Variants in MSN observed in about 807,000 individuals in gnomAD.
MSN encodes epididymis luminal protein 70.
MSN carries 2 observed loss-of-function variants against 48.0 expected under a neutral mutation model. That is an observed-to-expected ratio of 0.04 (90% CI 0.02 to 0.13). The LOEUF is 0.13. Ranked by LOEUF, MSN falls within the 10% of genes least tolerant of loss-of-function variation. The pLI is 1.00. For synonymous variants in MSN, 146 were observed against 166.9 expected, an observed-to-expected ratio of 0.87 and a Z score of 0.97; for missense variants, 267 against 470.1, an observed-to-expected ratio of 0.57 and a Z score of 3.99.
At chrX:65,707,325 A>G (rs751988605) in intron 1 of MSN, among the ~76,000 whole-genome samples, 52 of 110,869 alleles carry the variant, frequency 4.7e-4, no homozygotes, top group Non-Finnish European at 3.4e-4. Context: ...ATTGCTCAGT[A>G]AATAACAGTG....
intron 1 of MSN, among the ~76,000 whole-genome samples, chrX:65,713,907 G>C (rs2071437314): frequency 8.9e-6 from 1 of 111,797 alleles, no homozygotes; most frequent in Non-Finnish European, 1.9e-5. Context: ...AGCCACCAAA[G>C]TAGCTGGGAT....
chrX:65,592,390 T>G (rs1288101391), intron 1 of MSN, among the ~76,000 whole-genome samples: 1 of 107,741 alleles, frequency 9.3e-6, no homozygotes, highest in African/African-American at 3.4e-5. Context: ...GAGATGTGAT[T>G]TCACCATGTT....
intron 1 of MSN, among the ~76,000 whole-genome samples, chrX:65,705,086 TTA>T (rs1244690974): frequency 3.6e-5 from 4 of 111,384 alleles, no homozygotes; most frequent in Non-Finnish European, 7.5e-5. Context: ...AGCCAGGTTT[TTA>T]GCCCCTCCTC....
chrX:65,719,924 T>C (rs148078884), intron 2 of MSN, among the ~76,000 whole-genome samples: 1,357 of 111,467 alleles, frequency 0.012, 15 homozygotes, highest in African/African-American at 0.041. Flanking sequence ...TGGTAGTTTT[T>C]TGTTAGTGTT....
At chrX:65,721,912 A>G (rs2071520663) in intron 2 of MSN, among the ~76,000 whole-genome samples, 1 of 110,743 alleles carries the variant, frequency 9.0e-6, no homozygotes, top group African/African-American at 3.3e-5. Context: ...GCGAGACCCC[A>G]TCTCTACAAA....
At position 65,739,830 on chromosome X, in the gene MSN, G is replaced by A. The variant is rs763920638; in HGVS notation, c.1671G>A (p.Lys557=). 24 of 1,210,983 alleles carry A rather than the reference G, an allele frequency of 2.0e-5. 1 individual carries two copies. In the South Asian group the frequency reaches 3.9e-4, roughly 20 times the overall value. The change falls in exon 13 of 13, where the codon AAG becomes AAA. Residue 557 remains lysine (K), a synonymous_variant. Coordinates refer to ENST00000360270, the MANE Select transcript of MSN (RefSeq NM_002444.3). ...TGCGACTGGGCCGAGACAAATACAA[G>A]ACCCTGCGCCAGATCCGGCAGGGCA... is the stretch of plus-strand genomic sequence containing the variant. ...ENMRLGRDKY[K]TLRQIRQGNT... is the part of the protein sequence containing the mutation.
chrX:65,626,546 GT>G (rs932718507), intron 1 of MSN, among the ~76,000 whole-genome samples: 1 of 109,533 alleles, frequency 9.1e-6, no homozygotes, highest in Non-Finnish European at 1.9e-5. Flanking sequence ...AAGTTTCTGG[GT>G]TTTTTTTTAA....
chrX:65,736,651 T>C lies in MSN; in HGVS notation c.960-144T>C, dbSNP rs2071679623. ...CGGGGTTTCACTGTGTTAGCCAGGA[T>C]GGTCTCGATCTCCTGACCTCGTGAT... is the stretch of plus-strand genomic sequence containing the variant. On this transcript the variant is annotated intron_variant, in intron 8 of 12. Transcript: ENST00000360270. The C allele has an allele frequency of 2.4e-5, 14 of 584,933 alleles. No homozygotes were observed. The South Asian group carries it at 4.3e-4, about 18-fold the overall frequency. 48.2% of individuals were successfully genotyped at this position (584,933 alleles called of 1,213,427 possible).
chrX:65,738,035 A>G (rs771495006), intron 10 of MSN, among the ~76,000 whole-genome samples: 1 of 112,391 alleles, frequency 8.9e-6, no homozygotes, highest in Admixed American at 9.4e-5. Context: ...TCTCATGAGG[A>G]AGCTGTCATG....
chrX:65,703,475 C>T (rs1039630770), intron 1 of MSN, among the ~76,000 whole-genome samples: 3 of 111,226 alleles, frequency 2.7e-5, no homozygotes, highest in South Asian at 3.8e-4. Flanking sequence ...GTGGGTTTCC[C>T]AGATACTAGA....
chrX:65,718,818 T>TAAAAAAAAAAAAAA (rs55726908), intron 2 of MSN, among the ~76,000 whole-genome samples: 1 of 75,191 alleles, frequency 1.3e-5, no homozygotes, highest in African/African-American at 6.7e-5. Flanking sequence ...ACTCTGTCTC[T>TAAAAAAAAAAAAAA]AAAAAAAAAA....
In MSN at chrX:65,729,707, G is replaced by A. The variant is rs745873198; in HGVS notation, c.462G>A (p.Pro154=). 16 of 1,207,568 alleles carry A rather than the reference G, an allele frequency of 1.3e-5. No individual in the cohort carries two copies. The highest frequency in any genetic ancestry group is 2.3e-4 in the Middle Eastern group (1 of 4,348). Reference sequence around the variant, plus strand: ...ACCTGGCCGGAGACAAGTTGCTCCCGCAGAGGTGAGGTGGTTCCCTGCCCT... The same window carrying A: ...ACCTGGCCGGAGACAAGTTGCTCCCACAGAGGTGAGGTGGTTCCCTGCCCT... ...SGYLAGDKLL[P]QRVLEQHKLN... Residue 154 remains proline (P), a synonymous_variant, in exon 4 of 13, where the codon CCG becomes CCA. Coordinates refer to ENST00000360270, the MANE Select transcript of MSN (RefSeq NM_002444.3).
chrX:65,652,366 A>G (rs1285786025), intron 1 of MSN, among the ~76,000 whole-genome samples: 1 of 111,781 alleles, frequency 8.9e-6, no homozygotes, highest in Non-Finnish European at 1.9e-5. Context: ...GGAGATGAGA[A>G]GATAATGCAA....
rs150032841 is a variant in MSN, at chrX:65,705,563, A to G, written c.13-11255A>G. ...TGGGCCTGAGGTTGAACAAAAGGCCATGCAATTACGGCTGGATTAACGAAG... is the reference window on the plus strand; with the variant it reads ...TGGGCCTGAGGTTGAACAAAAGGCCGTGCAATTACGGCTGGATTAACGAAG... On this transcript the variant is annotated intron_variant, in intron 1 of 12. Coordinates refer to ENST00000360270, the MANE Select transcript of MSN (RefSeq NM_002444.3). Among the ~76,000 whole-genome samples, 252 of 112,510 alleles carry G rather than the reference A, an allele frequency of 2.2e-3. 1 individual carries two copies. Among genetic ancestry groups the G allele is most frequent in the African/African-American group, 7.6e-3 (234 of 30,984 alleles).
intron 1 of MSN, among the ~76,000 whole-genome samples, chrX:65,592,763 G>A (rs1268277382): frequency 9.0e-6 from 1 of 110,934 alleles, no homozygotes; most frequent in East Asian, 2.9e-4. Context: ...TTTTGAGGCT[G>A]GGTGCGGTGG....
intron 1 of MSN, among the ~76,000 whole-genome samples, chrX:65,670,925 T>TACAC (rs1248407727): frequency 1.8e-5 from 1 of 56,692 alleles, no homozygotes; most frequent in Non-Finnish European, 3.4e-5. Context: ...TATATATATA[T>TACAC]ATATATATAT....
At chrX:65,626,278 A>G (rs1204020544) in intron 1 of MSN, among the ~76,000 whole-genome samples, 1 of 111,792 alleles carries the variant, frequency 8.9e-6, no homozygotes, top group African/African-American at 3.2e-5. Context: ...TCTCAAGTCC[A>G]TTGTCTGGAC....
At chrX:65,688,481 T>C (rs1194502758) in intron 1 of MSN, among the ~76,000 whole-genome samples, 3 of 111,324 alleles carry the variant, frequency 2.7e-5, no homozygotes, top group African/African-American at 9.8e-5. Context: ...CAAGGCTTGA[T>C]TGGGAGACAG....
At chrX:65,649,580 A>ATAT (rs1212455600) in intron 1 of MSN, among the ~76,000 whole-genome samples, 1 of 97,523 alleles carries the variant, frequency 1.0e-5, no homozygotes, top group African/African-American at 4.1e-5. Flanking sequence ...TATCTCAAAA[A>ATAT]AAAAAAAAAT....
Sources: allele counts gnomAD v4.1 joint callset (sites outside exome capture counted in the v4.1 genomes callset), GRCh38; gene constraint gnomAD v4.1.1; transcripts MANE v1.5; gene names NCBI Gene and HGNC (gene_info 2026-07-23, HGNC 2026-07-21).